Variants in DTD1 observed in about 807,000 individuals in gnomAD.
DTD1 encodes the protein D-aminoacyl-tRNA deacylase 1.
DTD1 carries 13 observed loss-of-function variants against 25.6 expected under a neutral mutation model. That is an observed-to-expected ratio of 0.51 (90% CI 0.33 to 0.81). The LOEUF (loss-of-function observed/expected upper bound fraction) is 0.81. DTD1 is among the 30% of genes least tolerant of loss of function. DTD1 has a pLI of 0.02. For synonymous variants in DTD1, 110 were observed against 103.6 expected, an observed-to-expected ratio of 1.06 and a Z score of -0.37; for missense variants, 193 against 266.4, an observed-to-expected ratio of 0.72 and a Z score of 1.92.
intron 4 of DTD1, among the ~76,000 whole-genome samples, chr20:18,742,345 G>A (rs1239868449): frequency 1.3e-5 from 2 of 152,128 alleles, no homozygotes; most frequent in Non-Finnish European, 2.9e-5. Context: ...CAGGTAAATG[G>A]GGAGTAGGAA....
At chr20:18,667,429 C>G (rs1000458642) in intron 4 of DTD1, among the ~76,000 whole-genome samples, 3 of 152,112 alleles carry the variant, frequency 2.0e-5, no homozygotes, top group African/African-American at 7.2e-5. Context: ...GCTGAAAGAT[C>G]GCTGATGGGC....
chr20:18,742,319 G>T (rs2061281416), intron 4 of DTD1, among the ~76,000 whole-genome samples: 1 of 152,122 alleles, frequency 6.6e-6, no homozygotes, highest in Non-Finnish European at 1.5e-5. Flanking sequence ...AAACTTAGCT[G>T]TATTCTACAG....
intron 4 of DTD1, among the ~76,000 whole-genome samples, chr20:18,731,610 T>C (rs1032094868): frequency 6.6e-6 from 1 of 152,224 alleles, no homozygotes; most frequent in Admixed American, 6.5e-5. Flanking sequence ...TAATGAACTT[T>C]TGCTATTTCT....
At chr20:18,687,541 G>A (rs942180111) in intron 4 of DTD1, among the ~76,000 whole-genome samples, 2 of 152,026 alleles carry the variant, frequency 1.3e-5, no homozygotes, top group African/African-American at 4.8e-5. Context: ...CATAAATAAA[G>A]GGTTTTCTTT....
At chr20:18,631,866 T>C (rs754883518) in intron 4 of DTD1, 13 of 985,374 alleles carry the variant, frequency 1.3e-5, no homozygotes, top group Non-Finnish European at 1.6e-5. Context: ...GAATAGTACA[T>C]TTTGCCTTTA....
intron 4 of DTD1, among the ~76,000 whole-genome samples, chr20:18,735,605 A>G (rs370018577): frequency 1.7e-4 from 26 of 152,362 alleles, no homozygotes; most frequent in African/African-American, 5.8e-4. Context: ...TCATTTATTT[A>G]CTGAGTGTGA....
At chr20:18,623,690 T>A (rs1210238806) in intron 3 of DTD1, among the ~76,000 whole-genome samples, 1 of 152,182 alleles carries the variant, frequency 6.6e-6, no homozygotes, top group Admixed American at 6.5e-5. Context: ...TCTGAATTTT[T>A]GTGACAGCCT....
intron 4 of DTD1, chr20:18,674,387 A>G (rs1444066339): frequency 1.3e-5 from 2 of 152,246 alleles, no homozygotes; most frequent in Non-Finnish European, 2.9e-5. Flanking sequence ...AAATATGGTC[A>G]CGATATTGAG....
At chr20:18,646,125 A>G (rs1350099618) in intron 4 of DTD1, among the ~76,000 whole-genome samples, 1 of 152,222 alleles carries the variant, frequency 6.6e-6, no homozygotes, top group Non-Finnish European at 1.5e-5. Context: ...CTCACTGGAC[A>G]GGTACAAGGC....
intron 4 of DTD1, among the ~76,000 whole-genome samples, chr20:18,735,415 A>G (rs1223326890): frequency 6.6e-6 from 1 of 152,250 alleles, no homozygotes; most frequent in East Asian, 1.9e-4. Context: ...AGGCTTGGCC[A>G]GGAGTCCTGA....
chr20:18,699,393 G>A (rs2061093398), intron 4 of DTD1, among the ~76,000 whole-genome samples: 1 of 152,180 alleles, frequency 6.6e-6, no homozygotes, highest in African/African-American at 2.4e-5. Flanking sequence ...GGGAGATGTG[G>A]AGAAGGACCC....
intron 4 of DTD1, among the ~76,000 whole-genome samples, chr20:18,701,065 C>T (rs1320267910): frequency 6.6e-6 from 1 of 152,080 alleles, no homozygotes; most frequent in Non-Finnish European, 1.5e-5. Context: ...TGACAGGGTG[C>T]TGGATTCTCT....
intron 5 of DTD1, among the ~76,000 whole-genome samples, chr20:18,755,670 T>A (rs908478325): frequency 3.9e-5 from 6 of 152,232 alleles, no homozygotes; most frequent in African/African-American, 1.4e-4. Context: ...CAGTCTATCA[T>A]TGTTGGACAT....
At chr20:18,750,959 AGT>A (rs1204059455) in intron 5 of DTD1, among the ~76,000 whole-genome samples, 1 of 152,172 alleles carries the variant, frequency 6.6e-6, no homozygotes, top group Non-Finnish European at 1.5e-5. Flanking sequence ...CAAACAAGAA[AGT>A]GTTTTGGAAG....
At chr20:18,692,862 T>TTA (rs1777869560) in intron 4 of DTD1, among the ~76,000 whole-genome samples, 1 of 152,096 alleles carries the variant, frequency 6.6e-6, no homozygotes, top group South Asian at 2.1e-4. Context: ...TGTACATCAT[T>TTA]TGGACATTTT....
At chr20:18,655,061 T>C (rs999972646) in intron 4 of DTD1, among the ~76,000 whole-genome samples, 2 of 152,242 alleles carry the variant, frequency 1.3e-5, no homozygotes, top group Admixed American at 6.5e-5. Context: ...AAGAGTGTTT[T>C]TGGTTATTAG....
chr20:18,659,107 A>G (rs1249836110), intron 4 of DTD1, among the ~76,000 whole-genome samples: 3 of 152,264 alleles, frequency 2.0e-5, no homozygotes, highest in Admixed American at 1.3e-4. Context: ...TCAAATGTGC[A>G]TGGCTGCTTT....
At chr20:18,608,118 A>G (rs2060669687) in intron 3 of DTD1, among the ~76,000 whole-genome samples, 1 of 151,496 alleles carries the variant, frequency 6.6e-6, no homozygotes, top group Admixed American at 6.6e-5. Context: ...AAACTAAGGG[A>G]ATTGGTCTTT....
chr20:18,734,113 C>T (rs373819484), intron 4 of DTD1, among the ~76,000 whole-genome samples: 8 of 152,146 alleles, frequency 5.3e-5, no homozygotes, highest in East Asian at 3.9e-4. Context: ...AGGTAATGTA[C>T]GGATGTAGGT....
Sources: gnomAD v4.1 joint callset for allele counts (sites outside exome capture counted in the v4.1 genomes callset) on GRCh38, gnomAD v4.1.1 for gene constraint, MANE v1.5 for transcripts, NCBI Gene and HGNC (gene_info 2026-07-23, HGNC 2026-07-21) for gene names.